The following ZNF732 variants were observed in gnomAD, a reference collection of about 807,000 sequenced individuals.
ZNF732 encodes zinc finger protein LOC654254.
ZNF732 carries 12 observed loss-of-function variants against 11.5 expected under a neutral mutation model. That is an observed-to-expected ratio of 1.05 (90% confidence interval 0.67 to 1.70). The LOEUF (loss-of-function observed/expected upper bound fraction) is 1.70, where lower values mean the gene tolerates loss of function less well. ZNF732 is among the 40% of genes most tolerant of loss of function. The pLI, the probability that ZNF732 is intolerant of heterozygous loss-of-function variation, is 0.00. For synonymous variants in ZNF732, 231 were observed against 236.5 expected, an observed-to-expected ratio of 0.98 and a Z score of 0.21; for missense variants, 702 against 676.9, an observed-to-expected ratio of 1.04 and a Z score of -0.41.
chr4:298,328 G>GACT (rs1383402348), intron 1 of ZNF732, among the ~76,000 whole-genome samples: 3 of 152,074 alleles, frequency 2.0e-5, no homozygotes, highest in African/African-American at 7.2e-5. Flanking sequence ...TAGGGACCAT[G>GACT]ACTGCATCAC....
chr4:304,391 C>T (rs1720182436), intron 1 of ZNF732, among the ~76,000 whole-genome samples: 1 of 152,142 alleles, frequency 6.6e-6, no homozygotes. Context: ...CTCCCGCAGA[C>T]ACCAGGCATC....
intron 1 of ZNF732, among the ~76,000 whole-genome samples, chr4:297,779 T>C (rs187158325): frequency 8.2e-4 from 125 of 152,294 alleles, no homozygotes; most frequent in African/African-American, 2.8e-3. Flanking sequence ...GCACCAGCTT[T>C]GGAGAGGCAG....
chr4:272,722 G>T, intron 3 of ZNF732, 92 bp from the exon 4 acceptor site: 1 of 1,199,704 alleles, frequency 8.3e-7, no homozygotes, highest in Non-Finnish European at 1.1e-6. Context: ...AAGTACATTA[G>T]TAAGATGGCA....
In ZNF732 at chr4:271,004, T is replaced by G. The variant is rs1719339659; in HGVS notation, c.*95A>C. On this transcript the variant is annotated 3_prime_UTR_variant, in exon 4 of 4. Transcript: ENST00000419098. The stretch of plus-strand genomic sequence containing the variant: ...GGACCATCCAAAAGCTTTGCCACAT[T>G]CTTCACATTTGTATAGTTTATTTCC... The G allele has an allele frequency of 7.3e-6, 8 of 1,089,868 alleles. No homozygotes were observed. Among genetic ancestry groups the G allele is most frequent in the Non-Finnish European group, 1.1e-5 (8 of 752,752 alleles). The allele number at this position is 1,089,868 out of a possible 1,614,324, so 67.5% of individuals were successfully genotyped here.
intron 3 of ZNF732, among the ~76,000 whole-genome samples, chr4:274,987 G>A (rs1035168974): frequency 3.3e-5 from 5 of 151,452 alleles, no homozygotes; most frequent in African/African-American, 4.8e-5. Context: ...TTTCTGTAAG[G>A]AATAATGAAA....
chr4:288,637 T>C (rs1719779674), intron 3 of ZNF732, among the ~76,000 whole-genome samples: 1 of 152,240 alleles, frequency 6.6e-6, no homozygotes, highest in African/African-American at 2.4e-5. Flanking sequence ...TTTATTTATG[T>C]AGCTTTGTAT....
At chr4:287,283 C>A (rs1056494617) in intron 3 of ZNF732, among the ~76,000 whole-genome samples, 2 of 151,408 alleles carry the variant, frequency 1.3e-5, no homozygotes, top group African/African-American at 4.9e-5. Context: ...GGCGTGATCT[C>A]GGCTCACTGC....
intron 3 of ZNF732, among the ~76,000 whole-genome samples, chr4:277,056 T>G (rs1719511633): frequency 1.3e-5 from 2 of 152,038 alleles, no homozygotes; most frequent in Admixed American, 6.5e-5. Flanking sequence ...AAAAAGACAG[T>G]CTTTTCAATA....
chr4:296,685 A>G (rs1054453949), intron 1 of ZNF732, among the ~76,000 whole-genome samples: 1 of 152,156 alleles, frequency 6.6e-6, no homozygotes, highest in Non-Finnish European at 1.5e-5. Flanking sequence ...TCTCGGCCTC[A>G]CTGTAACAAA....
At chr4:300,454 CAAAAA>C (rs559629684) in intron 1 of ZNF732, among the ~76,000 whole-genome samples, 4 of 58,646 alleles carry the variant, frequency 6.8e-5, no homozygotes, top group African/African-American at 1.7e-4. Context: ...GACTCTGTCT[CAAAAA>C]AAAAAAAAAA....
intron 3 of ZNF732, among the ~76,000 whole-genome samples, chr4:285,993 T>C (rs1719721709): frequency 6.6e-6 from 1 of 152,248 alleles, no homozygotes; most frequent in African/African-American, 2.4e-5. Context: ...TCTATGCTTC[T>C]TCCTCAGCAG....
At chr4:300,467 A>C (rs1720092455) in intron 1 of ZNF732, among the ~76,000 whole-genome samples, 1 of 151,158 alleles carries the variant, frequency 6.6e-6, no homozygotes, top group Non-Finnish European at 1.5e-5. Flanking sequence ...AAAAAAAAAA[A>C]AAAAAAAGAA....
chr4:270,867 A>G lies in ZNF732; in HGVS notation c.*232T>C. ...CACATTTGTAGGGTTGCTCTCCAGC[A>G]TCAATTTTCTTATGTTGATTCAGGT... On this transcript the variant is annotated 3_prime_UTR_variant, in exon 4 of 4. Coordinates refer to ENST00000419098, the MANE Select transcript of ZNF732 (RefSeq NM_001137608.3). The G allele has an allele frequency of 1.4e-6, 1 of 710,434 alleles. No individual in the cohort carries two copies. Among genetic ancestry groups the G allele is most frequent in the Non-Finnish European group, 2.6e-6 (1 of 384,638 alleles). The allele number at this position is 710,434 out of a possible 1,614,324, so 44.0% of individuals were successfully genotyped here.
chr4:279,432 C>CGA, intron 3 of ZNF732, among the ~76,000 whole-genome samples: 1 of 142,214 alleles, frequency 7.0e-6, no homozygotes, highest in East Asian at 2.2e-4. Context: ...GGTGACAGAG[C>CGA]GAGACTCCGT....
chr4:272,077 A>C lies in ZNF732; in HGVS notation c.780T>G (p.Asn260Lys). 1 of 1,610,436 alleles carries C rather than the reference A, an allele frequency of 6.2e-7. No individual in the cohort carries two copies. The highest frequency in any genetic ancestry group is 2.2e-5 in the East Asian group (1 of 44,668). ...TATGCTTAGTAAGGGTTGAGGACCT[A>C]TTAAAGGCTTTGCCACATTCTTCAT... Reference protein sequence around the residue: ...YKYEECGKAFNRSSTLTKHKR... With the variant: ...YKYEECGKAFKRSSTLTKHKR... Residue 260 changes from asparagine to lysine, a missense_variant, in exon 4 of 4, where the codon AAT becomes AAG. By Grantham distance (94) the Asn-to-Lys change is moderately conservative (BLOSUM62 0). This residue lies in a region of ZNF732 where 596 missense variants were observed against 557.9 expected (regional missense o/e 1.07). Transcript: ENST00000419098.
Position 272,023 on chromosome 4 carries a change from G to A in ZNF732, c.834C>T (p.Phe278=). Residue 278 remains phenylalanine (F), a synonymous_variant, in exon 4 of 4, where the codon TTC becomes TTT. Transcript: ENST00000419098. ...HKRIHAEEKP[F]TCEECGKIIT... ...TGATTTTGCCACATTCTTCACATGT[G>A]AAGGGTTTCTCTTCAGCATGAATTC... is the stretch of plus-strand genomic sequence containing the variant. The A allele has an allele frequency of 1.9e-6, 3 of 1,610,120 alleles. No individual in the cohort carries two copies. The highest frequency in any genetic ancestry group is 2.5e-6 in the Non-Finnish European group (3 of 1,177,988).
In ZNF732 at chr4:276,973, G is replaced by A. The variant is rs370240482; in HGVS notation, c.227-4343C>T. Among the ~76,000 whole-genome samples, 74 of 151,912 alleles carry A rather than the reference G, an allele frequency of 4.9e-4. No homozygotes were observed. The South Asian group carries it at 0.014, about 29-fold the overall frequency. ...TGACATAGACAGATCAAACTATCCA[G>A]TGAGCCCAGTAATAAATTCCTGAAC... On this transcript the variant is annotated intron_variant, in intron 3 of 3. Transcript: ENST00000419098.
intron 3 of ZNF732, among the ~76,000 whole-genome samples, chr4:277,679 A>G (rs1391497736): frequency 3.3e-5 from 5 of 152,106 alleles, no homozygotes; most frequent in African/African-American, 1.2e-4. Context: ...TTATAGAAAA[A>G]AAACAAGTAT....
chr4:284,807 G>C (rs1307318630), intron 3 of ZNF732, among the ~76,000 whole-genome samples: 1 of 144,790 alleles, frequency 6.9e-6, no homozygotes, highest in Admixed American at 7.3e-5. Context: ...GGAGGCGGAG[G>C]TTGTGGTGAG....
Sources: allele counts gnomAD v4.1 joint callset (sites outside exome capture counted in the v4.1 genomes callset), GRCh38; gene constraint gnomAD v4.1.1; regional missense constraint gnomAD v4.1.1; transcripts MANE v1.5; gene names NCBI Gene and HGNC (gene_info 2026-07-23, HGNC 2026-07-21).